The following HACD1 variants were observed in gnomAD, a reference collection of about 807,000 sequenced individuals.
HACD1 encodes 3-hydroxyacyl-CoA dehydratase 1, also known as very-long-chain (3R)-3-hydroxyacyl-CoA dehydratase 1.
Under a neutral mutation model 32.0 loss-of-function variants are expected in HACD1, and 41 were observed. That is an observed-to-expected ratio of 1.28 (90% CI 1.00 to 1.66). The LOEUF (loss-of-function observed/expected upper bound fraction) is 1.66. Ranked by LOEUF, HACD1 falls within the 40% of genes most tolerant of loss-of-function variation. The pLI, the probability that HACD1 is intolerant of heterozygous loss-of-function variation, is 0.00. For missense variants in HACD1, 396 were observed against 380.1 expected (o/e 1.04, Z -0.35); for synonymous variants, 142 against 139.0 (o/e 1.02, Z -0.15).
At position 17,599,319 on chromosome 10, in the gene HACD1, G is replaced by T; in HGVS notation, c.576C>A (p.Asp192Glu). The change falls in exon 5 of 7, where the codon GAC becomes GAA. Residue 192 changes from aspartate to glutamate, a missense_variant. Coordinates refer to ENST00000361271, the MANE Select transcript of HACD1 (RefSeq NM_014241.4). ...RYSFYTFSLL[D>E]HLPYFIKWAR... ...CCCATTTAATGAAGTATGGCAAGTG[G>T]TCAAGAAGGCTGAATGTGTAGAAGG... The T allele has an allele frequency of 6.2e-7, 1 of 1,613,996 alleles. No homozygotes were observed.
chr10:17,616,249 G>A (rs75949427), intron 1 of HACD1, among the ~76,000 whole-genome samples: 6 of 139,046 alleles, frequency 4.3e-5, no homozygotes, highest in African/African-American at 1.3e-4. Context: ...AGCCAAGACC[G>A]AGCGAGACTC....
At chr10:17,596,961 C>G (rs1834002857) in intron 5 of HACD1, among the ~76,000 whole-genome samples, 2 of 152,128 alleles carry the variant, frequency 1.3e-5, no homozygotes. Context: ...AACATCTGAA[C>G]ATAAATACAA....
chr10:17,593,569 C>G (rs1554815755), intron 6 of HACD1, among the ~76,000 whole-genome samples: 1 of 152,212 alleles, frequency 6.6e-6, no homozygotes, highest in African/African-American at 2.4e-5. Context: ...CCTGCCTCGG[C>G]CTCCCAAAGT....
chr10:17,599,451 A>T (rs1834039517), intron 4 of HACD1, 40 bp from the exon 5 acceptor site: 2 of 1,586,228 alleles, frequency 1.3e-6, no homozygotes, highest in African/African-American at 2.7e-5. Flanking sequence ...TTCAACCTAG[A>T]ACTTACTTTT....
Position 17,590,180 on chromosome 10 carries a change from C to A in HACD1, c.*184G>T. On this transcript the variant is annotated 3_prime_UTR_variant, in exon 7 of 7. Coordinates refer to ENST00000361271, the MANE Select transcript of HACD1 (RefSeq NM_014241.4). ...AAAAGTTACTGATATTTGCACAGTT[C>A]TTGTAAAAAATAGATCTGGCACAAG... is the stretch of plus-strand genomic sequence containing the variant. The A allele has an allele frequency of 2.5e-6, 1 of 400,252 alleles. No individual in the cohort carries two copies. The highest frequency in any genetic ancestry group is 4.5e-6 in the Non-Finnish European group (1 of 224,372). 24.8% of individuals were successfully genotyped at this position (400,252 alleles called of 1,614,324 possible).
chr10:17,600,841 G>A (rs1834059754), intron 4 of HACD1, among the ~76,000 whole-genome samples: 1 of 152,118 alleles, frequency 6.6e-6, no homozygotes, highest in African/African-American at 2.4e-5. Context: ...ACACGTATAT[G>A]ATTAAATATT....
intron 6 of HACD1, among the ~76,000 whole-genome samples, chr10:17,590,878 T>G (rs1191239391): frequency 6.6e-6 from 1 of 152,124 alleles, no homozygotes; most frequent in Non-Finnish European, 1.5e-5. Flanking sequence ...TTTCACCAGG[T>G]TGGTCAGCCT....
chr10:17,606,006 G>T (rs928426541), intron 1 of HACD1, among the ~76,000 whole-genome samples: 3 of 150,928 alleles, frequency 2.0e-5, no homozygotes, highest in African/African-American at 7.3e-5. Flanking sequence ...GCAAGATCCC[G>T]TCTCTACAAA....
intron 1 of HACD1, among the ~76,000 whole-genome samples, chr10:17,611,574 A>G (rs533057135): frequency 3.3e-5 from 5 of 152,368 alleles, no homozygotes; most frequent in African/African-American, 1.2e-4. Flanking sequence ...TTGAAGGACA[A>G]TGCATTTATA....
chr10:17,599,761 C>A (rs1463838208), intron 4 of HACD1, among the ~76,000 whole-genome samples: 10 of 152,158 alleles, frequency 6.6e-5, no homozygotes, highest in Non-Finnish European at 1.3e-4. Context: ...GTAGGACCAA[C>A]GCTTGAATTG....
intron 1 of HACD1, among the ~76,000 whole-genome samples, chr10:17,611,070 G>A (rs938715603): frequency 3.3e-5 from 5 of 149,258 alleles, no homozygotes; most frequent in East Asian, 3.9e-4. Context: ...GCATGGTCTC[G>A]GATCACTGCA....
intron 1 of HACD1, chr10:17,615,920 A>G (rs1473762275): frequency 4.9e-6 from 2 of 404,230 alleles, no homozygotes; most frequent in African/African-American, 2.1e-5. Flanking sequence ...GTGAGCGGAG[A>G]TCGCGCCAAT....
chr10:17,603,881 T>C, intron 2 of HACD1, 49 bp downstream of exon 2: 2 of 1,512,888 alleles, frequency 1.3e-6, no homozygotes, highest in East Asian at 4.5e-5. Context: ...ACAAAAAATG[T>C]TCACATAAAT....
intron 5 of HACD1, among the ~76,000 whole-genome samples, chr10:17,598,323 G>T (rs1834023235): frequency 6.6e-6 from 1 of 150,738 alleles, no homozygotes. Flanking sequence ...GTTATCCTTG[G>T]TTAGAGAGAT....
rs55951542 is a variant in HACD1, at chr10:17,594,311, C to T, written c.678G>A (p.Pro226=). ...AAAACATTCCTGTTTTCTTCACATG[C>T]GGCAAGGCAGCGTATATTGTAAGAA... ...GELLTIYAAL[P]HVKKTGMFSI... Residue 226 remains proline (P), a synonymous_variant, in exon 6 of 7, where the codon CCG becomes CCA. Transcript: ENST00000361271. 2,715 of 1,603,120 alleles carry T rather than the reference C, an allele frequency of 1.7e-3. 44 individuals carry two copies. The African/African-American group carries it at 0.031, about 18-fold the overall frequency.
chr10:17,593,474 C>A (rs1833955461), intron 6 of HACD1, among the ~76,000 whole-genome samples: 1 of 152,164 alleles, frequency 6.6e-6, no homozygotes, highest in Non-Finnish European at 1.5e-5. Context: ...CGCCACCATG[C>A]CCAGTTAATT....
intron 1 of HACD1, among the ~76,000 whole-genome samples, chr10:17,613,107 T>G (rs1036433798): frequency 3.5e-5 from 4 of 113,368 alleles, no homozygotes; most frequent in African/African-American, 1.6e-4. Flanking sequence ...GGTGTGTGTG[T>G]GTGTGTGTGT....
intron 1 of HACD1, among the ~76,000 whole-genome samples, chr10:17,608,830 T>C (rs1455248920): frequency 6.6e-6 from 1 of 152,150 alleles, no homozygotes; most frequent in African/African-American, 2.4e-5. Context: ...AACTGCCTTT[T>C]CTAGATAAAA....
rs1039399346 is a variant in HACD1, at chr10:17,616,932, C to G, written c.257+151G>C. On this transcript the variant is annotated intron_variant, in intron 1 of 6. Transcript: ENST00000361271. ...GGCCCCCCCGCCCGCTCCATTCAACCCCGGCGGTGGCCGCGGCGACAGCTC... is the reference window on the plus strand; with the variant it reads ...GGCCCCCCCGCCCGCTCCATTCAACGCCGGCGGTGGCCGCGGCGACAGCTC... 145 of 924,364 alleles carry G rather than the reference C, an allele frequency of 1.6e-4. No individual in the cohort carries two copies. In the African/African-American group the frequency reaches 2.3e-3, roughly 15 times the overall value. The allele number at this position is 924,364 out of a possible 1,614,324, so 57.3% of individuals were successfully genotyped here.
Sources: gnomAD v4.1 joint callset for allele counts (sites outside exome capture counted in the v4.1 genomes callset) on GRCh38, gnomAD v4.1.1 for gene constraint, MANE v1.5 for transcripts, NCBI Gene and HGNC (gene_info 2026-07-23, HGNC 2026-07-21) for gene names.